Variants in SPOPL observed in about 807,000 individuals in gnomAD.
The protein encoded by SPOPL is speckle type BTB/POZ protein like.
In SPOPL, 23 loss-of-function variants were observed where a neutral mutation model predicts 53.8. The observed-to-expected ratio is 0.43, with a 90% confidence interval of 0.31 to 0.61. The LOEUF (loss-of-function observed/expected upper bound fraction) is 0.61, where lower values mean the gene tolerates loss of function less well. Among genes scored for constraint, SPOPL ranks in the 20% least tolerant of loss-of-function variants. The pLI, the probability that SPOPL is intolerant of heterozygous loss-of-function variation, is 0.12. For synonymous variants in SPOPL, 164 were observed against 149.7 expected (o/e 1.10, Z -0.70); for missense variants, 442 against 466.9 (o/e 0.95, Z 0.49).
chr2:138,509,514 G>A (rs956797857), intron 1 of SPOPL, among the ~76,000 whole-genome samples: 1 of 152,098 alleles, frequency 6.6e-6, no homozygotes, highest in Non-Finnish European at 1.5e-5. Context: ...GTTTTCTGAA[G>A]CAAATTTAAC....
chr2:138,539,835 C>A (rs1685027651), intron 1 of SPOPL, among the ~76,000 whole-genome samples: 1 of 152,268 alleles, frequency 6.6e-6, no homozygotes, highest in Non-Finnish European at 1.5e-5. Flanking sequence ...ATGCGTATGT[C>A]CTGAACGGTA....
intron 5 of SPOPL, among the ~76,000 whole-genome samples, chr2:138,556,005 T>C (rs745916321): frequency 1.1e-4 from 17 of 152,146 alleles, no homozygotes; most frequent in Non-Finnish European, 2.5e-4. Context: ...GAGTATGTAA[T>C]AGATAAAACC....
At position 138,517,845 on chromosome 2, in the gene SPOPL, GA is replaced by G; in HGVS notation, c.-61+15727del. 3.9e-5 allele frequency among the ~76,000 whole-genome samples: 6 copies of G among 151,990 alleles called. 2 individuals carry two copies. The highest frequency in any genetic ancestry group is 1.4e-4 in the African/African-American group (6 of 41,468). On this transcript the variant is annotated intron_variant, in intron 1 of 10. Transcript: ENST00000280098. ...GCGGATCACCTGAGGTCAGGAATTTGAGACCAGCCTGGCCAACATGGTGCAA... is the reference window on the plus strand; with the variant it reads ...GCGGATCACCTGAGGTCAGGAATTTGGACCAGCCTGGCCAACATGGTGCAA...
chr2:138,512,478 A>G (rs959062484), intron 1 of SPOPL, among the ~76,000 whole-genome samples: 1 of 152,186 alleles, frequency 6.6e-6, no homozygotes, highest in Non-Finnish European at 1.5e-5. Context: ...ATTTCAGTTA[A>G]AATATACTGC....
At chr2:138,545,729 G>A (rs150748830) in intron 1 of SPOPL, among the ~76,000 whole-genome samples, 1,655 of 152,164 alleles carry the variant, frequency 0.011, 33 homozygotes, top group African/African-American at 0.038. Flanking sequence ...GTGAGCCACC[G>A]CGCCCGGCCA....
intron 7 of SPOPL, among the ~76,000 whole-genome samples, chr2:138,560,390 T>G: frequency 6.6e-6 from 1 of 152,114 alleles, no homozygotes; most frequent in East Asian, 1.9e-4. Context: ...TTTAGAATAC[T>G]GGTCAGAAAC....
chr2:138,554,318 T>C (rs570223754), intron 5 of SPOPL: 45 of 249,976 alleles, frequency 1.8e-4, no homozygotes, highest in African/African-American at 8.8e-4. Flanking sequence ...TTTGCTGATA[T>C]AGGTATTTAT....
At chr2:138,538,291 T>C (rs912928043) in intron 1 of SPOPL, among the ~76,000 whole-genome samples, 2 of 152,164 alleles carry the variant, frequency 1.3e-5, no homozygotes, top group African/African-American at 4.8e-5. Flanking sequence ...CATCATTGAA[T>C]GTTGGGTATT....
At chr2:138,551,192 T>C in intron 4 of SPOPL, 138 bp downstream of exon 4, 1 of 926,926 alleles carries the variant, frequency 1.1e-6, no homozygotes, top group Non-Finnish European at 1.6e-6. Context: ...TTGACCATTA[T>C]TTAAATCCAG....
At position 138,559,033 on chromosome 2, in the gene SPOPL, C is replaced by T. The variant is rs1353776940; in HGVS notation, c.492C>T (p.Val164=). The change falls in exon 6 of 11, where the codon GTC becomes GTT. Residue 164 remains valine (V), a synonymous_variant. Transcript: ENST00000280098. ...KLTLFCEVSV[V]QDSVNISGHT... is the part of the protein sequence containing the mutation. ...CCCTTTTTTATTAGGTGAGTGTGGT[C>T]CAAGATTCAGTAAACATATCAGGAC... 5 of 1,597,198 alleles carry T rather than the reference C, an allele frequency of 3.1e-6. No individual in the cohort carries two copies. Among genetic ancestry groups the T allele is most frequent in the Non-Finnish European group, 3.4e-6 (4 of 1,174,496 alleles).
intron 1 of SPOPL, among the ~76,000 whole-genome samples, chr2:138,515,262 G>GT (rs1489062977): frequency 1.3e-5 from 2 of 152,190 alleles, no homozygotes; most frequent in South Asian, 2.1e-4. Flanking sequence ...ATTTGACTGA[G>GT]TGAGTTTGCA....
intron 1 of SPOPL, among the ~76,000 whole-genome samples, chr2:138,544,200 AGTCT>A (rs1558873610): frequency 1.3e-5 from 2 of 152,288 alleles, no homozygotes; most frequent in South Asian, 2.1e-4. Context: ...TTGAGGTGGC[AGTCT>A]GTCTGTTCTC....
intron 1 of SPOPL, among the ~76,000 whole-genome samples, chr2:138,509,333 G>A (rs1439560004): frequency 3.3e-5 from 5 of 151,936 alleles, no homozygotes; most frequent in Admixed American, 3.3e-4. Flanking sequence ...AAACAAAGAG[G>A]TGTTTTTATT....
At chr2:138,554,389 G>A in intron 5 of SPOPL, 1 of 1,076,896 alleles carries the variant, frequency 9.3e-7, no homozygotes, top group Non-Finnish European at 1.2e-6. Flanking sequence ...CATTCTTCAT[G>A]CCCTCCACTG....
At chr2:138,517,721 A>C (rs1385846856) in intron 1 of SPOPL, among the ~76,000 whole-genome samples, 1 of 149,968 alleles carries the variant, frequency 6.7e-6, no homozygotes, top group African/African-American at 2.5e-5. Flanking sequence ...CCTGGGTGAC[A>C]GAGCGAGACT....
chr2:138,558,146 G>T (rs187635611), intron 5 of SPOPL, among the ~76,000 whole-genome samples: 5 of 152,210 alleles, frequency 3.3e-5, no homozygotes, highest in African/African-American at 1.2e-4. Context: ...AGGCAACAGA[G>T]CCAGACTTTG....
chr2:138,509,564 C>T (rs1388273938), intron 1 of SPOPL, among the ~76,000 whole-genome samples: 1 of 151,852 alleles, frequency 6.6e-6, no homozygotes, highest in Non-Finnish European at 1.5e-5. Flanking sequence ...ATCTCCCCTC[C>T]TCGAACCCCC....
intron 1 of SPOPL, among the ~76,000 whole-genome samples, chr2:138,541,635 T>C (rs1685074373): frequency 6.6e-6 from 1 of 152,200 alleles, no homozygotes; most frequent in Non-Finnish European, 1.5e-5. Context: ...CTCTCTTCTT[T>C]ATTAGTCTTG....
At chr2:138,566,847 AAT>A (rs1386214115) in intron 10 of SPOPL, among the ~76,000 whole-genome samples, 2 of 152,210 alleles carry the variant, frequency 1.3e-5, no homozygotes, top group African/African-American at 4.8e-5. Flanking sequence ...AATAGAAGAG[AAT>A]ATGTACAAGC....
Sources: gnomAD v4.1 joint callset for allele counts (sites outside exome capture counted in the v4.1 genomes callset) on GRCh38, gnomAD v4.1.1 for gene constraint, MANE v1.5 for transcripts, NCBI Gene and HGNC (gene_info 2026-07-23, HGNC 2026-07-21) for gene names.